Variants in CCSER1 observed in about 807,000 individuals in gnomAD.
The protein encoded by CCSER1 is coiled-coil serine rich protein 1, also known as serine-rich coiled-coil domain-containing protein 1.
In CCSER1, 41 loss-of-function variants were observed where a neutral mutation model predicts 82.0. The observed-to-expected ratio is 0.50, with a 90% CI of 0.39 to 0.65. The LOEUF is 0.65. Among genes scored for constraint, CCSER1 ranks in the 30% least tolerant of loss-of-function variants. The pLI, the probability that CCSER1 is intolerant of heterozygous loss-of-function variation, is 0.00. For synonymous variants in CCSER1, 414 were observed against 383.9 expected (o/e 1.08, Z -0.92); for missense variants, 1,119 against 1,064.2 (o/e 1.05, Z -0.72).
intron 10 of CCSER1, among the ~76,000 whole-genome samples, chr4:91,279,250 T>C (rs1305112253): frequency 6.6e-6 from 1 of 152,214 alleles, no homozygotes; most frequent in East Asian, 1.9e-4. Context: ...TGGGAAGGCC[T>C]TTTTGAGCTT....
intron 8 of CCSER1, among the ~76,000 whole-genome samples, chr4:90,899,433 G>A (rs900815661): frequency 2.6e-5 from 4 of 151,826 alleles, no homozygotes; most frequent in Non-Finnish European, 4.4e-5. Context: ...TTATTTACAT[G>A]CCTTTTCTTT....
chr4:90,888,166 A>C (rs1334680576), intron 8 of CCSER1, among the ~76,000 whole-genome samples: 7 of 152,340 alleles, frequency 4.6e-5, no homozygotes, highest in Non-Finnish European at 2.9e-5. Flanking sequence ...TATCTTGAAA[A>C]TAACTTAATG....
At chr4:91,073,370 A>T (rs1368859606) in intron 9 of CCSER1, among the ~76,000 whole-genome samples, 1 of 152,140 alleles carries the variant, frequency 6.6e-6, no homozygotes, top group Non-Finnish European at 1.5e-5. Flanking sequence ...AACTATGTTT[A>T]TTAACTTAAA....
At chr4:90,688,725 TAAAC>T (rs1023139255) in intron 6 of CCSER1, among the ~76,000 whole-genome samples, 1 of 152,118 alleles carries the variant, frequency 6.6e-6, no homozygotes, top group Non-Finnish European at 1.5e-5. Context: ...AAAAATATAA[TAAAC>T]ACACTTAACT....
chr4:90,500,384 T>C (rs2153611427), intron 5 of CCSER1, among the ~76,000 whole-genome samples: 1 of 151,822 alleles, frequency 6.6e-6, no homozygotes, highest in Admixed American at 6.6e-5. Context: ...CACGCTGGAG[T>C]GTAGTGGTAC....
rs1241159203 is a variant in CCSER1 at position 90,587,201 on chromosome 4, T to C, written c.1725-40824T>C. On this transcript the variant is annotated intron_variant, in intron 5 of 10. Transcript: ENST00000509176. Reference sequence around the variant, plus strand: ...AAAAATAGTCTTGCAGGCACCTTGATTTTAGACCAGTGAGACCTCTGTCAG... The same window carrying C: ...AAAAATAGTCTTGCAGGCACCTTGACTTTAGACCAGTGAGACCTCTGTCAG... Among the ~76,000 whole-genome samples, 5 of 152,332 alleles carry C rather than the reference T, an allele frequency of 3.3e-5. No individual in the cohort carries two copies. In the East Asian group the frequency reaches 9.6e-4, roughly 29 times the overall value.
chr4:90,182,275 A>C (rs576025568), intron 1 of CCSER1, among the ~76,000 whole-genome samples: 18 of 152,246 alleles, frequency 1.2e-4, no homozygotes, highest in African/African-American at 4.3e-4. Context: ...ACTAGAATAC[A>C]GTTGTTTTTG....
chr4:90,411,427 G>A (rs1560475918), intron 4 of CCSER1, among the ~76,000 whole-genome samples: 1 of 152,128 alleles, frequency 6.6e-6, no homozygotes, highest in Non-Finnish European at 1.5e-5. Flanking sequence ...TATCCACCAC[G>A]ATCACATGGG....
intron 3 of CCSER1, among the ~76,000 whole-genome samples, chr4:90,374,156 A>G (rs1020420358): frequency 6.6e-6 from 1 of 152,204 alleles, no homozygotes; most frequent in Admixed American, 6.5e-5. Flanking sequence ...AAAATAAAAA[A>G]TGTTTTATTT....
chr4:90,568,513 A>AT (rs1779684453), intron 5 of CCSER1, among the ~76,000 whole-genome samples: 2 of 151,914 alleles, frequency 1.3e-5, no homozygotes, highest in Admixed American at 6.6e-5. Flanking sequence ...GCAGGAATAT[A>AT]TTTTTTCACT....
At chr4:90,165,327 A>T (rs2153369879) in intron 1 of CCSER1, among the ~76,000 whole-genome samples, 1 of 152,206 alleles carries the variant, frequency 6.6e-6, no homozygotes, top group African/African-American at 2.4e-5. Context: ...GTTCTTCAAA[A>T]GGATTTTAAT....
At position 90,809,170 on chromosome 4, in the gene CCSER1, A is replaced by ACAG. The variant is rs59808283; in HGVS notation, c.2011-6592_2011-6591insCAG. On this transcript the variant is annotated intron_variant, in intron 7 of 10. Coordinates refer to ENST00000509176, the MANE Select transcript of CCSER1 (RefSeq NM_001145065.2). ...CCATTTCCACACACACACACACACA[A>ACAG]TTAGCTAGGCATGGTAGCATATGCC... Among the ~76,000 whole-genome samples, 1,178 of 150,174 alleles carry ACAG rather than the reference A, an allele frequency of 7.8e-3. 5 individuals are homozygous for ACAG. Among genetic ancestry groups the ACAG allele is most frequent in the African/African-American group, 0.019 (780 of 40,970 alleles).
At chr4:90,990,207 G>C (rs1436474682) in intron 9 of CCSER1, among the ~76,000 whole-genome samples, 1 of 151,790 alleles carries the variant, frequency 6.6e-6, no homozygotes, top group Admixed American at 6.6e-5. Context: ...TATCTCCCAA[G>C]TTTCTGGGAG....
At chr4:91,258,495 T>G (rs1345888284) in intron 10 of CCSER1, among the ~76,000 whole-genome samples, 2 of 152,092 alleles carry the variant, frequency 1.3e-5, no homozygotes, top group Non-Finnish European at 2.9e-5. Context: ...TGAGTTAGTG[T>G]CAATATTTCA....
At chr4:91,587,871 C>T (rs1764074909) in intron 10 of CCSER1, among the ~76,000 whole-genome samples, 1 of 151,478 alleles carries the variant, frequency 6.6e-6, no homozygotes, top group South Asian at 2.1e-4. Context: ...AGTCAGTTTC[C>T]TTATAAAATC....
At chr4:91,454,285 A>G (rs1756025708) in intron 10 of CCSER1, among the ~76,000 whole-genome samples, 1 of 152,028 alleles carries the variant, frequency 6.6e-6, no homozygotes, top group Non-Finnish European at 1.5e-5. Context: ...CTGAGGAGAG[A>G]ATCAGTTCCC....
intron 5 of CCSER1, among the ~76,000 whole-genome samples, chr4:90,540,205 C>G (rs1454801684): frequency 6.6e-6 from 1 of 151,984 alleles, no homozygotes; most frequent in African/African-American, 2.4e-5. Context: ...GGAGATTCAA[C>G]TTAACATAGA....
chr4:91,456,450 A>G (rs1037162513), intron 10 of CCSER1, among the ~76,000 whole-genome samples: 2 of 152,076 alleles, frequency 1.3e-5, no homozygotes, highest in Non-Finnish European at 2.9e-5. Flanking sequence ...AGAAATGGCT[A>G]GAGTGATATT....
intron 10 of CCSER1, among the ~76,000 whole-genome samples, chr4:91,145,785 C>G (rs994703256): frequency 6.6e-6 from 1 of 152,124 alleles, no homozygotes; most frequent in Non-Finnish European, 1.5e-5. Context: ...GACTCCTAAT[C>G]TCTTCTGGCT....
Sources: gnomAD v4.1 joint callset for allele counts (sites outside exome capture counted in the v4.1 genomes callset) on GRCh38, gnomAD v4.1.1 for gene constraint, MANE v1.5 for transcripts, NCBI Gene and HGNC (gene_info 2026-07-23, HGNC 2026-07-21) for gene names.